Variants in BRINP1 observed in about 807,000 individuals in gnomAD.
BRINP1 encodes BMP/retinoic acid-inducible neural-specific protein 1.
Under a neutral mutation model 72.9 loss-of-function variants are expected in BRINP1, and 17 were observed. The ratio of observed to expected loss-of-function variants is 0.23; its 90% CI spans 0.16 to 0.35. BRINP1 has a LOEUF of 0.35. Ranked by LOEUF, BRINP1 falls within the 10% of genes least tolerant of loss-of-function variation. The pLI is 1.00. For missense variants in BRINP1, 850 were observed against 1,001.6 expected (o/e 0.85, Z 2.04); for synonymous variants, 418 against 378.5 (o/e 1.10, Z -1.21).
intron 1 of BRINP1, among the ~76,000 whole-genome samples, chr9:119,342,117 G>T (rs1444390094): frequency 6.7e-6 from 1 of 148,746 alleles, no homozygotes; most frequent in Non-Finnish European, 1.5e-5. Flanking sequence ...CAGAGACTTG[G>T]ATAGGCAAGA....
At chr9:119,264,855 T>A (rs965917121) in intron 2 of BRINP1, among the ~76,000 whole-genome samples, 8 of 152,176 alleles carry the variant, frequency 5.3e-5, no homozygotes, top group African/African-American at 1.9e-4. Context: ...GTATTTTTAG[T>A]AGAGACGGGA....
At chr9:119,341,401 A>G (rs1831404797) in intron 1 of BRINP1, among the ~76,000 whole-genome samples, 1 of 152,194 alleles carries the variant, frequency 6.6e-6, no homozygotes, top group South Asian at 2.1e-4. Context: ...GCTTTTCTCT[A>G]ACATTTGTAA....
rs1477555097 is a variant in BRINP1, at chr9:119,242,155, G to A, written c.471C>T (p.Ala157=). The A allele has an allele frequency of 6.2e-7, 1 of 1,614,018 alleles. No homozygotes were observed. Among genetic ancestry groups the A allele is most frequent in the Non-Finnish European group, 8.5e-7 (1 of 1,180,026 alleles). ...GGTGCAGAGCTTCAACACTTTGAGT[G>A]GCATTCCCTGACTTCCTGTCGAGGC... ...KSRLDRKSGN[A]TQSVEALHQL... The change falls in exon 4 of 8, where the codon GCC becomes GCT. Residue 157 remains alanine, a synonymous_variant. Transcript: ENST00000265922.
In BRINP1 at chr9:119,353,209, CAATAAATA is replaced by C. The variant is rs565671465; in HGVS notation, c.-51+15839_-51+15846del. 4.6e-4 allele frequency among the ~76,000 whole-genome samples: 70 copies of C among 152,318 alleles called. No individual in the cohort carries two copies. In the South Asian group the frequency reaches 0.015, roughly 32 times the overall value. ...CAAGGCCTGGAACATAGAAGACTCT[CAATAAATA>C]TTGAGCTTGAATGAGCTGATCAAAT... On this transcript the variant is annotated intron_variant, in intron 1 of 7. Coordinates refer to ENST00000265922, the MANE Select transcript of BRINP1 (RefSeq NM_014618.3).
At position 119,364,380 on chromosome 9, in the gene BRINP1, G is replaced by A. The variant is rs569699387; in HGVS notation, c.-51+4676C>T. On this transcript the variant is annotated intron_variant, in intron 1 of 7. Coordinates refer to ENST00000265922, the MANE Select transcript of BRINP1 (RefSeq NM_014618.3). The stretch of plus-strand genomic sequence containing the variant: ...CACTAAAAGTACTAAAACTGAGACT[G>A]AATGGTCATGTATTATTGGCATTAC... 3.4e-4 allele frequency among the ~76,000 whole-genome samples: 52 copies of A among 152,258 alleles called. No homozygotes were observed. In the South Asian group the frequency reaches 0.011, roughly 31 times the overall value.
intron 5 of BRINP1, among the ~76,000 whole-genome samples, chr9:119,227,040 T>C (rs1402930984): frequency 2.0e-5 from 3 of 152,066 alleles, no homozygotes; most frequent in Non-Finnish European, 2.9e-5. Flanking sequence ...GAAATATTCA[T>C]GTAAAGAAAT....
At chr9:119,250,096 GGA>G in intron 2 of BRINP1, among the ~76,000 whole-genome samples, 1 of 114,910 alleles carries the variant, frequency 8.7e-6, no homozygotes, top group Non-Finnish European at 1.9e-5. Context: ...AAGGAAGGAA[GGA>G]AGAAAAGGAA....
At chr9:119,329,162 G>A (rs1426958000) in intron 1 of BRINP1, among the ~76,000 whole-genome samples, 3 of 152,092 alleles carry the variant, frequency 2.0e-5, no homozygotes, top group Admixed American at 1.3e-4. Flanking sequence ...CTTCCCTGGG[G>A]TTAATTATTC....
chr9:119,302,132 A>C (rs10818295), intron 2 of BRINP1, among the ~76,000 whole-genome samples: 42,881 of 152,114 alleles, frequency 0.28, 7,283 homozygotes, highest in Non-Finnish European at 0.38. Flanking sequence ...AGGATGCTTG[A>C]TATTTATTGG....
chr9:119,367,363 C>T (rs2119049883), intron 1 of BRINP1, among the ~76,000 whole-genome samples: 1 of 151,946 alleles, frequency 6.6e-6, no homozygotes, highest in South Asian at 2.1e-4. Flanking sequence ...CCCAGCGTCA[C>T]AGCCCTTGTC....
Position 119,248,946 on chromosome 9 carries a change from G to C in BRINP1, c.409+14C>G. 6.2e-7 allele frequency: 1 copy of C among 1,605,616 alleles called. No individual in the cohort carries two copies. Among genetic ancestry groups the C allele is most frequent in the South Asian group, 1.1e-5 (1 of 90,132 alleles). On this transcript the variant is annotated intron_variant, in intron 3 of 7. Transcript: ENST00000265922. The stretch of plus-strand genomic sequence containing the variant: ...AGTCATGAGAAGGCTCTGGCCCAGT[G>C]GCTGCTGACCTACCTCCCAATGTGG...
At chr9:119,247,467 CGG>C (rs1830332893) in intron 3 of BRINP1, among the ~76,000 whole-genome samples, 1 of 151,248 alleles carries the variant, frequency 6.6e-6, no homozygotes, top group Non-Finnish European at 1.5e-5. Flanking sequence ...CCTGTCAACA[CGG>C]TGAAACCCCG....
chr9:119,336,230 G>A (rs1351145279), intron 1 of BRINP1, among the ~76,000 whole-genome samples: 1 of 152,112 alleles, frequency 6.6e-6, no homozygotes, highest in Non-Finnish European at 1.5e-5. Flanking sequence ...GGAAATCAAG[G>A]CTTGCCCAAG....
At chr9:119,266,264 C>A (rs1004440778) in intron 2 of BRINP1, among the ~76,000 whole-genome samples, 1 of 151,960 alleles carries the variant, frequency 6.6e-6, no homozygotes, top group Non-Finnish European at 1.5e-5. Context: ...TGTGAGTGAA[C>A]GCAGAATGTT....
At chr9:119,249,976 A>AGAAG (rs1170559723) in intron 2 of BRINP1, among the ~76,000 whole-genome samples, 24 of 111,968 alleles carry the variant, frequency 2.1e-4, no homozygotes, top group African/African-American at 7.3e-4. Context: ...GAGGGAGGGA[A>AGAAG]GAAGGAAGGA....
At chr9:119,195,004 G>A (rs1247630038) in intron 7 of BRINP1, among the ~76,000 whole-genome samples, 3 of 152,174 alleles carry the variant, frequency 2.0e-5, no homozygotes, top group Non-Finnish European at 1.5e-5. Flanking sequence ...TTAAGAAAAT[G>A]ATAAGAATAG....
At chr9:119,262,404 C>A (rs112512534) in intron 2 of BRINP1, among the ~76,000 whole-genome samples, 2 of 151,882 alleles carry the variant, frequency 1.3e-5, no homozygotes, top group East Asian at 1.9e-4. Context: ...GAGGTCGAGG[C>A]GGGCGGGTCA....
chr9:119,313,509 T>A (rs911740026), intron 1 of BRINP1, 104 bp from the exon 2 acceptor site: 1 of 1,032,582 alleles, frequency 9.7e-7, no homozygotes. Context: ...AAAGAAAAAA[T>A]GTGATTAACA....
chr9:119,313,307 G>A lies in BRINP1; in HGVS notation c.49C>T (p.Arg17Cys), dbSNP rs778591422. Reference protein sequence around the residue: ...ELLYFLFIWGRISVQPSHQEP... With the variant: ...ELLYFLFIWGCISVQPSHQEP... The stretch of plus-strand genomic sequence containing the variant: ...TGGTGGGAGGGCTGCACTGAGATAC[G>A]GCCCCATATAAACAGGAAGTAGAGG... Residue 17 changes from arginine (R) to cysteine (C), a missense_variant, in exon 2 of 8, where the codon CGT (arginine) becomes TGT (cysteine). Arg to Cys is a radical substitution (Grantham distance 180). Transcript: ENST00000265922. 39 of 1,613,914 alleles carry A rather than the reference G, an allele frequency of 2.4e-5. No homozygotes were observed. The highest frequency in any genetic ancestry group is 6.7e-5 in the Admixed American group (4 of 60,002).
Sources: allele counts gnomAD v4.1 joint callset (sites outside exome capture counted in the v4.1 genomes callset), GRCh38; gene constraint gnomAD v4.1.1; transcripts MANE v1.5; gene names NCBI Gene and HGNC (gene_info 2026-07-23, HGNC 2026-07-21).